The following SLC25A13 variants were observed in gnomAD, a reference collection of about 807,000 sequenced individuals.
SLC25A13 encodes the protein solute carrier family 25 member 13, also known as electrogenic aspartate/glutamate antiporter SLC25A13, mitochondrial.
In SLC25A13, 70 loss-of-function variants were observed where a neutral mutation model predicts 85.5. The ratio of observed to expected loss-of-function variants is 0.82; its 90% CI spans 0.68 to 1.00. SLC25A13 has a LOEUF of 1.00. Ranked by LOEUF, SLC25A13 falls within the 50% of genes least tolerant of loss-of-function variation. The pLI, the probability that SLC25A13 is intolerant of heterozygous loss-of-function variation, is 0.00. For synonymous variants in SLC25A13, 259 were observed against 288.7 expected, an observed-to-expected ratio of 0.90 and a Z score of 1.04; for missense variants, 765 against 819.8, an observed-to-expected ratio of 0.93 and a Z score of 0.82.
Position 96,131,824 on chromosome 7 carries a change from A to G in SLC25A13, c.1510T>C (p.Tyr504His). Residue 504 changes from tyrosine (Y) to histidine (H), a missense_variant, in exon 15 of 18, where the codon TAT becomes CAT. Tyr to His is a moderately conservative substitution (Grantham distance 83, BLOSUM62 2). Transcript: ENST00000265631. ...IPFSAIYFPCYAHVKASFANE... is the reference protein window; with the variant it reads ...IPFSAIYFPCHAHVKASFANE... The stretch of plus-strand genomic sequence containing the variant: ...GCAAAGGAAGCCTTCACATGAGCAT[A>G]GCACGGAAAGTAGATGGCCGAGAAA... 6.2e-7 allele frequency: 1 copy of G among 1,614,158 alleles called. No homozygotes were observed. Among genetic ancestry groups the G allele is most frequent in the Non-Finnish European group, 8.5e-7 (1 of 1,180,016 alleles).
intron 15 of SLC25A13, among the ~76,000 whole-genome samples, chr7:96,130,101 T>C (rs1791959587): frequency 6.6e-6 from 1 of 152,114 alleles, no homozygotes; most frequent in Non-Finnish European, 1.5e-5. Context: ...AAATAAACCT[T>C]AAATGAAAAA....
At chr7:96,207,766 A>C (rs28579874) in intron 5 of SLC25A13, among the ~76,000 whole-genome samples, 53,633 of 151,974 alleles carry the variant, frequency 0.35, 9,953 homozygotes, top group East Asian at 0.6. Context: ...TTGCATCATC[A>C]GTGGCCCAAT....
At chr7:96,285,184 G>A (rs891745556) in intron 2 of SLC25A13, among the ~76,000 whole-genome samples, 11 of 152,094 alleles carry the variant, frequency 7.2e-5, no homozygotes, top group African/African-American at 2.4e-4. Flanking sequence ...TAAAAAATCA[G>A]CCATCTTAAT....
chr7:96,148,975 G>A (rs982058378), intron 13 of SLC25A13, among the ~76,000 whole-genome samples: 21 of 152,180 alleles, frequency 1.4e-4, no homozygotes, highest in African/African-American at 4.1e-4. Context: ...TTTCTCCTAC[G>A]CTGATGTTTT....
At chr7:96,259,504 G>C (rs564213722) in intron 3 of SLC25A13, among the ~76,000 whole-genome samples, 2 of 152,324 alleles carry the variant, frequency 1.3e-5, no homozygotes, top group African/African-American at 4.8e-5. Flanking sequence ...ACACCACAGT[G>C]AGATACCATC....
chr7:96,154,968 T>G (rs1341763039), intron 13 of SLC25A13, among the ~76,000 whole-genome samples: 3 of 152,074 alleles, frequency 2.0e-5, no homozygotes, highest in Non-Finnish European at 4.4e-5. Flanking sequence ...CTGGCTAGTT[T>G]TTTTGTAATT....
At chr7:96,305,837 T>C (rs1206014383) in intron 1 of SLC25A13, among the ~76,000 whole-genome samples, 1 of 152,050 alleles carries the variant, frequency 6.6e-6, no homozygotes, top group Admixed American at 6.6e-5. Context: ...GCCTTACCTG[T>C]CCAAATTCCT....
rs577843403 is a variant in SLC25A13 at position 96,290,277 on chromosome 7, A to G, written c.69+6621T>C. On this transcript the variant is annotated intron_variant, in intron 2 of 17. Coordinates refer to ENST00000265631, the MANE Select transcript of SLC25A13 (RefSeq NM_014251.3). Reference sequence around the variant, plus strand: ...CCCTAAAAGAGCTCCTGAAGGAAGCACTAAACATGGAAAGGAACAACTGGT... The same window carrying G: ...CCCTAAAAGAGCTCCTGAAGGAAGCGCTAAACATGGAAAGGAACAACTGGT... 4.8e-4 allele frequency among the ~76,000 whole-genome samples: 73 copies of G among 152,338 alleles called. 1 individual carries two copies. The highest frequency in any genetic ancestry group is 8.5e-4 in the Admixed American group (13 of 15,300).
chr7:96,262,714 G>A (rs915652375), intron 3 of SLC25A13, among the ~76,000 whole-genome samples: 15 of 152,116 alleles, frequency 9.9e-5, no homozygotes, highest in Non-Finnish European at 1.5e-4. Context: ...CAAAGTTCTC[G>A]TGCAAAGCTC....
At chr7:96,251,143 G>A (rs889210691) in intron 3 of SLC25A13, among the ~76,000 whole-genome samples, 2 of 152,120 alleles carry the variant, frequency 1.3e-5, no homozygotes, top group Admixed American at 6.6e-5. Flanking sequence ...TAGGGGAAGT[G>A]CCTTACAGAA....
intron 1 of SLC25A13, among the ~76,000 whole-genome samples, chr7:96,312,524 G>A (rs1299263924): frequency 6.6e-6 from 1 of 151,998 alleles, no homozygotes; most frequent in African/African-American, 2.4e-5. Context: ...ATGAAGCTTG[G>A]GTCTTTATAT....
intron 3 of SLC25A13, among the ~76,000 whole-genome samples, chr7:96,246,869 C>T (rs1040811924): frequency 2.0e-5 from 3 of 152,226 alleles, no homozygotes; most frequent in African/African-American, 7.2e-5. Flanking sequence ...ACATTAATAT[C>T]TGCTGTGCCA....
intron 14 of SLC25A13, among the ~76,000 whole-genome samples, chr7:96,140,397 CTTTTTTTTTTT>C (rs59863233): frequency 2.8e-4 from 25 of 88,142 alleles, no homozygotes; most frequent in African/African-American, 1.0e-3. Context: ...CAAGGATCTC[CTTTTTTTTTTT>C]TTTTTTTTTT....
At chr7:96,276,964 C>T (rs892484616) in intron 3 of SLC25A13, among the ~76,000 whole-genome samples, 1 of 151,984 alleles carries the variant, frequency 6.6e-6, no homozygotes, top group African/African-American at 2.4e-5. Flanking sequence ...TTCTCTGATA[C>T]GATAAAGCAT....
chr7:96,167,025 C>T (rs1793781801), intron 13 of SLC25A13: 1 of 152,168 alleles, frequency 6.6e-6, no homozygotes, highest in South Asian at 2.1e-4. Flanking sequence ...ACACAAACCA[C>T]AAAGGATTCT....
At chr7:96,165,870 T>A (rs922300107) in intron 13 of SLC25A13, among the ~76,000 whole-genome samples, 4 of 152,194 alleles carry the variant, frequency 2.6e-5, no homozygotes, top group African/African-American at 9.6e-5. Flanking sequence ...TTTTTCAAAA[T>A]TTTTCAAAAT....
chr7:96,160,436 G>A (rs1165488488), intron 13 of SLC25A13, among the ~76,000 whole-genome samples: 3 of 152,182 alleles, frequency 2.0e-5, no homozygotes, highest in Non-Finnish European at 4.4e-5. Context: ...CATAGACTAC[G>A]TGGCTTATAA....
chr7:96,172,976 T>G (rs188788955), intron 11 of SLC25A13, among the ~76,000 whole-genome samples: 141 of 152,318 alleles, frequency 9.3e-4, no homozygotes, highest in Admixed American at 3.0e-3. Flanking sequence ...GCCAGCATGG[T>G]CTCCATCTCC....
At chr7:96,153,803 A>G (rs1354365836) in intron 13 of SLC25A13, among the ~76,000 whole-genome samples, 2 of 152,248 alleles carry the variant, frequency 1.3e-5, no homozygotes, top group African/African-American at 4.8e-5. Context: ...TATCTTTATT[A>G]GAGGAGAACA....
Sources: gnomAD v4.1 joint callset for allele counts (sites outside exome capture counted in the v4.1 genomes callset) on GRCh38, gnomAD v4.1.1 for gene constraint, MANE v1.5 for transcripts, NCBI Gene and HGNC (gene_info 2026-07-23, HGNC 2026-07-21) for gene names.